KIF13B: variants seen among roughly 807,000 people sequenced by gnomAD.
KIF13B encodes the protein kinesin-like protein KIF13B.
A neutral mutation model predicts 222.0 loss-of-function variants in KIF13B; 127 were observed. The observed-to-expected ratio is 0.57, with a 90% CI of 0.50 to 0.66. KIF13B has a LOEUF of 0.66. KIF13B is among the 30% of genes least tolerant of loss of function. The pLI is 0.00. For missense variants in KIF13B, 2,173 were observed against 2,379.0 expected (o/e 0.91, Z 1.80); for synonymous variants, 976 against 919.0 (o/e 1.06, Z -1.12).
At chr8:29,179,986 C>A (rs1812642947) in intron 8 of KIF13B, 118 bp downstream of exon 8, 1 of 1,117,168 alleles carries the variant, frequency 9.0e-7, no homozygotes, top group Admixed American at 2.2e-5. Flanking sequence ...CGTCCAGAGT[C>A]CTCATTGATA....
At chr8:29,112,745 C>G (rs1205405968) in intron 32 of KIF13B, among the ~76,000 whole-genome samples, 1 of 152,156 alleles carries the variant, frequency 6.6e-6, no homozygotes, top group African/African-American at 2.4e-5. Context: ...AAGGGATGCC[C>G]CATTTCCCAG....
chr8:29,149,501 G>A (rs555727617), intron 15 of KIF13B, among the ~76,000 whole-genome samples: 2 of 152,250 alleles, frequency 1.3e-5, no homozygotes, highest in East Asian at 1.9e-4. Context: ...TTTTGTTTGG[G>A]AAACCACATG....
At chr8:29,228,325 G>T (rs1214702204) in intron 2 of KIF13B, among the ~76,000 whole-genome samples, 3 of 151,428 alleles carry the variant, frequency 2.0e-5, no homozygotes, top group African/African-American at 4.8e-5. Flanking sequence ...AAATTAGCCG[G>T]ACATGGTGGC....
chr8:29,198,944 T>C (rs1161227231), intron 2 of KIF13B, among the ~76,000 whole-genome samples: 1 of 152,044 alleles, frequency 6.6e-6, no homozygotes, highest in African/African-American at 2.4e-5. Context: ...GGGTGAAGGA[T>C]AAAAAGATTA....
chr8:29,165,921 G>GTACCTCGATTGTAGATCGAAC (rs1811979119), intron 11 of KIF13B, 149 bp from the exon 12 acceptor site: 2 of 652,014 alleles, frequency 3.1e-6, no homozygotes, highest in Non-Finnish European at 5.2e-6. Context: ...GTAGATCGAA[G>GTACCTCGATTGTAGATCGAAC]TACCTCGATT....
At position 29,123,512 on chromosome 8, in the gene KIF13B, G is replaced by A; in HGVS notation, c.3353-20C>T. The A allele has an allele frequency of 1.2e-6, 2 of 1,613,066 alleles. No individual in the cohort carries two copies. The highest frequency in any genetic ancestry group is 2.2e-5 in the East Asian group (1 of 44,882). ...TTTTATCTAGAACATCGAGAATGAG[G>A]ATTCAATGACAAAACTTCACTTGCC... On this transcript the variant is annotated intron_variant, in intron 27 of 39. Coordinates refer to ENST00000524189, the MANE Select transcript of KIF13B (RefSeq NM_015254.4).
At chr8:29,084,025 CT>C (rs1271659505) in intron 37 of KIF13B, among the ~76,000 whole-genome samples, 1 of 152,160 alleles carries the variant, frequency 6.6e-6, no homozygotes, top group Non-Finnish European at 1.5e-5. Context: ...AGCGATTCCC[CT>C]GCCTCACCCT....
At chr8:29,257,987 T>G (rs932931502) in intron 1 of KIF13B, among the ~76,000 whole-genome samples, 8 of 152,220 alleles carry the variant, frequency 5.3e-5, no homozygotes, top group Non-Finnish European at 1.2e-4. Context: ...GTAATACATG[T>G]GTGTCTCATT....
At chr8:29,129,794 T>C (rs1003911689) in intron 24 of KIF13B, among the ~76,000 whole-genome samples, 1 of 152,238 alleles carries the variant, frequency 6.6e-6, no homozygotes, top group Non-Finnish European at 1.5e-5. Flanking sequence ...GGCATGTGTA[T>C]CTACCCAGCT....
chr8:29,221,262 C>A (rs979489581), intron 2 of KIF13B, among the ~76,000 whole-genome samples: 1 of 151,792 alleles, frequency 6.6e-6, no homozygotes, highest in Admixed American at 6.6e-5. Flanking sequence ...GCCACCACAC[C>A]AAGCTAATTT....
At chr8:29,173,592 A>G (rs886820945) in intron 10 of KIF13B, among the ~76,000 whole-genome samples, 1 of 151,856 alleles carries the variant, frequency 6.6e-6, no homozygotes. Flanking sequence ...ACTGCACTCT[A>G]GCCTGGACAA....
intron 3 of KIF13B, among the ~76,000 whole-genome samples, chr8:29,195,814 C>T (rs536841954): frequency 2.0e-5 from 3 of 152,208 alleles, no homozygotes; most frequent in African/African-American, 4.8e-5. Context: ...TCTATGGAGG[C>T]GGCTTGAGGC....
intron 2 of KIF13B, among the ~76,000 whole-genome samples, chr8:29,242,780 C>T (rs1435630115): frequency 2.6e-5 from 4 of 152,156 alleles, no homozygotes; most frequent in Admixed American, 1.3e-4. Context: ...ATGTTCACAG[C>T]AATGTTTTGA....
chr8:29,177,615 C>T, intron 8 of KIF13B, 37 bp from the exon 9 acceptor site: 2 of 1,381,100 alleles, frequency 1.4e-6, no homozygotes, highest in South Asian at 1.2e-5. Context: ...TCAACAGGAA[C>T]ACAGGGCCAG....
chr8:29,071,375 G>A lies in KIF13B; in HGVS notation c.5218+245C>T, dbSNP rs1807265969. Reference sequence around the variant, plus strand: ...GAACAAAAGCGGGAACAGCCATGGCGATGGGGGGATGGGTACAGGATCTTT... The same window carrying A: ...GAACAAAAGCGGGAACAGCCATGGCAATGGGGGGATGGGTACAGGATCTTT... On this transcript the variant is annotated intron_variant, in intron 39 of 39. Transcript: ENST00000524189. The surrounding 1 kb of genome is among the most constrained non-coding windows in gnomAD (Gnocchi z 4.9). 6.6e-6 allele frequency among the ~76,000 whole-genome samples: 1 copy of A among 152,266 alleles called. No homozygotes were observed. Among genetic ancestry groups the A allele is most frequent in the Non-Finnish European group, 1.5e-5 (1 of 67,994 alleles).
intron 33 of KIF13B, 37 bp from the exon 34 acceptor site, chr8:29,109,548 T>TA: frequency 6.5e-7 from 1 of 1,550,092 alleles, no homozygotes; most frequent in South Asian, 1.1e-5. Context: ...AAAAGACATG[T>TA]AAGAGACACA....
intron 2 of KIF13B, among the ~76,000 whole-genome samples, chr8:29,205,781 G>C (rs777986544): frequency 3.2e-4 from 49 of 151,948 alleles, no homozygotes; most frequent in Admixed American, 3.3e-4. Flanking sequence ...TGGAAAGCTT[G>C]GTACTTCAAA....
intron 29 of KIF13B, among the ~76,000 whole-genome samples, chr8:29,121,983 A>G (rs929702346): frequency 7.2e-5 from 11 of 152,194 alleles, no homozygotes; most frequent in African/African-American, 2.2e-4. Flanking sequence ...AGCCGGGCGC[A>G]GTGGCTCACG....
intron 10 of KIF13B, among the ~76,000 whole-genome samples, chr8:29,172,392 A>C (rs192209526): frequency 2.0e-5 from 3 of 152,206 alleles, no homozygotes; most frequent in Admixed American, 2.0e-4. Flanking sequence ...AATCACATAC[A>C]TTTTTAAGGA....
Sources: gnomAD v4.1 joint callset for allele counts (sites outside exome capture counted in the v4.1 genomes callset) on GRCh38, gnomAD v4.1.1 for gene constraint, Gnocchi (gnomAD v3.1) non-coding constraint, MANE v1.5 for transcripts, NCBI Gene and HGNC (gene_info 2026-07-23, HGNC 2026-07-21) for gene names.